The following TAF4B variants were observed in gnomAD, a reference collection of about 807,000 sequenced individuals.
TAF4B encodes TATA-box binding protein associated factor 4b, also known as transcription initiation factor TFIID subunit 4B.
TAF4B carries 38 observed loss-of-function variants against 86.4 expected under a neutral mutation model. That is an observed-to-expected ratio of 0.44 (90% CI 0.34 to 0.58). The LOEUF is 0.58. Ranked by LOEUF, TAF4B falls within the 20% of genes least tolerant of loss-of-function variation. TAF4B has a pLI of 0.02. For missense variants in TAF4B, 988 were observed against 1,027.6 expected (o/e 0.96, Z 0.53); for synonymous variants, 388 against 391.2 (o/e 0.99, Z 0.10).
intron 14 of TAF4B, among the ~76,000 whole-genome samples, chr18:26,372,345 A>G (rs73395967): frequency 0.019 from 2,831 of 152,324 alleles, 80 homozygotes; most frequent in African/African-American, 0.064. Context: ...ACAGTGGATT[A>G]CCATAAACTT....
At chr18:26,324,760 A>G (rs942154763) in intron 11 of TAF4B, among the ~76,000 whole-genome samples, 1 of 152,204 alleles carries the variant, frequency 6.6e-6, no homozygotes, top group Non-Finnish European at 1.5e-5. Flanking sequence ...GCCACTGTCT[A>G]CATTTGCGTA....
chr18:26,312,022 C>T (rs1446921853), intron 9 of TAF4B, among the ~76,000 whole-genome samples: 2 of 152,182 alleles, frequency 1.3e-5, no homozygotes, highest in Non-Finnish European at 2.9e-5. Flanking sequence ...TTCCCTGTAA[C>T]ACTCCATAGA....
At chr18:26,336,394 T>C (rs928166438) in intron 13 of TAF4B, among the ~76,000 whole-genome samples, 10 of 152,280 alleles carry the variant, frequency 6.6e-5, no homozygotes, top group Non-Finnish European at 1.3e-4. Flanking sequence ...TTTGGATTAA[T>C]GTAGGAATTG....
chr18:26,235,833 C>G (rs2055740196), intron 1 of TAF4B, among the ~76,000 whole-genome samples: 1 of 152,220 alleles, frequency 6.6e-6, no homozygotes. Context: ...AGAGGAATTA[C>G]TGCCTCATTG....
At chr18:26,344,533 C>T (rs2057161220) in intron 13 of TAF4B, among the ~76,000 whole-genome samples, 1 of 152,064 alleles carries the variant, frequency 6.6e-6, no homozygotes, top group Non-Finnish European at 1.5e-5. Flanking sequence ...TCATTGCCAA[C>T]AGAGTTGCTG....
intron 5 of TAF4B, among the ~76,000 whole-genome samples, chr18:26,277,206 C>T (rs937184037): frequency 6.6e-6 from 1 of 152,156 alleles, no homozygotes; most frequent in African/African-American, 2.4e-5. Flanking sequence ...ACGTCAACCT[C>T]CCAGGTAACT....
intron 7 of TAF4B, among the ~76,000 whole-genome samples, chr18:26,288,048 C>T (rs1273198046): frequency 2.0e-5 from 3 of 152,142 alleles, no homozygotes; most frequent in African/African-American, 7.2e-5. Context: ...AAACATTGTT[C>T]TGGGCAGCCA....
intron 9 of TAF4B, among the ~76,000 whole-genome samples, chr18:26,307,803 A>G (rs955446049): frequency 3.9e-5 from 6 of 152,156 alleles, no homozygotes; most frequent in Admixed American, 2.0e-4. Flanking sequence ...TATATAATTC[A>G]TTGTTTTATG....
chr18:26,293,001 C>G (rs375497244), intron 8 of TAF4B, among the ~76,000 whole-genome samples: 19 of 152,060 alleles, frequency 1.2e-4, no homozygotes, highest in African/African-American at 3.9e-4. Context: ...AAATGTAGTT[C>G]TTTCTCTATG....
intron 6 of TAF4B, among the ~76,000 whole-genome samples, chr18:26,283,084 A>G (rs908225112): frequency 1.3e-5 from 2 of 152,104 alleles, no homozygotes; most frequent in African/African-American, 4.8e-5. Flanking sequence ...GAGGATGGGG[A>G]TCCACTTCTT....
At chr18:26,282,890 C>A (rs980294274) in intron 6 of TAF4B, among the ~76,000 whole-genome samples, 2 of 152,222 alleles carry the variant, frequency 1.3e-5, no homozygotes, top group African/African-American at 4.8e-5. Context: ...GACTCCATCT[C>A]AAGAAACCAG....
intron 11 of TAF4B, 73 bp from the exon 12 acceptor site, chr18:26,326,941 GT>G: frequency 6.7e-7 from 1 of 1,501,358 alleles, no homozygotes; most frequent in Non-Finnish European, 8.9e-7. Context: ...CCTTTAGCAG[GT>G]TTATACAATA....
intron 9 of TAF4B, among the ~76,000 whole-genome samples, chr18:26,308,368 A>C (rs185275147): frequency 6.6e-6 from 1 of 152,322 alleles, no homozygotes. Context: ...TAGTAAAGTT[A>C]TGTTCAGGAA....
chr18:26,316,319 C>T (rs2056911335), intron 10 of TAF4B, among the ~76,000 whole-genome samples: 1 of 152,116 alleles, frequency 6.6e-6, no homozygotes, highest in Non-Finnish European at 1.5e-5. Context: ...GTCTACTTCA[C>T]AGGTACTCAG....
chr18:26,358,696 C>T (rs894426936), intron 14 of TAF4B, among the ~76,000 whole-genome samples: 3 of 151,974 alleles, frequency 2.0e-5, no homozygotes, highest in South Asian at 2.1e-4. Context: ...GGCGACAGAG[C>T]GAGACTCCGT....
At chr18:26,346,265 GA>G (rs1433617333) in intron 13 of TAF4B, among the ~76,000 whole-genome samples, 5 of 151,910 alleles carry the variant, frequency 3.3e-5, no homozygotes, top group Admixed American at 6.6e-5. Context: ...ACACCAAGCA[GA>G]AAAAAGAATT....
At chr18:26,240,320 C>T (rs2055817533) in intron 1 of TAF4B, among the ~76,000 whole-genome samples, 1 of 152,072 alleles carries the variant, frequency 6.6e-6, no homozygotes, top group Non-Finnish European at 1.5e-5. Flanking sequence ...AGTTGGATTC[C>T]TAGGTATTTT....
At chr18:26,256,668 T>C (rs2056088999) in intron 1 of TAF4B, among the ~76,000 whole-genome samples, 4 of 152,172 alleles carry the variant, frequency 2.6e-5, no homozygotes, top group Admixed American at 2.6e-4. Flanking sequence ...TCTCTGAATA[T>C]TGCTTTAGTT....
intron 10 of TAF4B, among the ~76,000 whole-genome samples, chr18:26,320,775 G>A (rs556694112): frequency 6.6e-6 from 1 of 152,198 alleles, no homozygotes; most frequent in African/African-American, 2.4e-5. Flanking sequence ...TTTCCTCCCT[G>A]AACAATAGAC....
Sources: allele counts gnomAD v4.1 joint callset (sites outside exome capture counted in the v4.1 genomes callset), GRCh38; gene constraint gnomAD v4.1.1; transcripts MANE v1.5; gene names NCBI Gene and HGNC (gene_info 2026-07-23, HGNC 2026-07-21).